Variants in ADRA1A observed in about 807,000 individuals in gnomAD.
ADRA1A encodes adrenoceptor alpha 1A, also known as alpha-1A adrenergic receptor.
ADRA1A carries 31 observed loss-of-function variants against 29.6 expected under a neutral mutation model. The ratio of observed to expected loss-of-function variants is 1.05; its 90% confidence interval spans 0.79 to 1.41. The LOEUF is 1.41. Among genes scored for constraint, ADRA1A ranks in the 40% most tolerant of loss-of-function variants. The pLI is 0.00. For synonymous variants in ADRA1A, 311 were observed against 254.3 expected (o/e 1.22, Z -2.12); for missense variants, 619 against 601.1 (o/e 1.03, Z -0.31).
At chr8:26,827,099 A>G (rs114405502) in intron 2 of ADRA1A, among the ~76,000 whole-genome samples, 1 of 152,234 alleles carries the variant, frequency 6.6e-6, no homozygotes, top group African/African-American at 2.4e-5. Context: ...TAGATGATTC[A>G]TGCAATGTGC....
chr8:26,797,691 A>G (rs1040109439), intron 2 of ADRA1A, among the ~76,000 whole-genome samples: 9 of 152,156 alleles, frequency 5.9e-5, no homozygotes, highest in African/African-American at 2.2e-4. Flanking sequence ...TACATACACA[A>G]AAACTCTTTA....
At chr8:26,756,590 T>G (rs1805183252) in exon 3 of ADRA1A, 3 of 1,553,904 alleles carry the variant, frequency 1.9e-6, no homozygotes, top group Non-Finnish European at 2.6e-6. Flanking sequence ...ATGTTGGATT[T>G]GTGCCTTAGT....
In ADRA1A at chr8:26,769,732, G is replaced by T. The variant is rs3739216; in HGVS notation, c.*417C>A. The T allele has an allele frequency of 2.0e-6, 2 of 990,236 alleles. No individual in the cohort carries two copies. The highest frequency in any genetic ancestry group is 2.4e-6 in the Non-Finnish European group (2 of 833,512). 61.3% of individuals were successfully genotyped at this position (990,236 alleles called of 1,614,324 possible). A position where few individuals can be genotyped will look rare whatever the true frequency, so the allele number is the denominator to read the frequency against. On this transcript the variant is annotated 3_prime_UTR_variant, in exon 3 of 3. Transcript: ENST00000380573. ...TAAATGTCAAATGTGGCTGTCAGTAGGTTGAGCCTGAAAATAAAATCCCCT... is the reference window on the plus strand; with the variant it reads ...TAAATGTCAAATGTGGCTGTCAGTATGTTGAGCCTGAAAATAAAATCCCCT...
chr8:26,790,035 A>G (rs1279153391), intron 2 of ADRA1A, among the ~76,000 whole-genome samples: 1 of 152,160 alleles, frequency 6.6e-6, no homozygotes, highest in African/African-American at 2.4e-5. Context: ...CATTGTAAAG[A>G]ACATTATGGT....
chr8:26,752,529 G>A (rs1425533022), downstream of ADRA1A, among the ~76,000 whole-genome samples: 1 of 152,186 alleles, frequency 6.6e-6, no homozygotes, highest in Non-Finnish European at 1.5e-5. Flanking sequence ...CTTCAAGCTT[G>A]CTTATCTGTG....
intron 2 of ADRA1A, among the ~76,000 whole-genome samples, chr8:26,836,899 C>T (rs979986263): frequency 3.3e-5 from 5 of 152,088 alleles, no homozygotes; most frequent in African/African-American, 7.2e-5. Flanking sequence ...AGACTGTGTG[C>T]CAGTGAATGC....
At chr8:26,859,276 A>G (rs1008150730) in intron 2 of ADRA1A, 31 of 1,034,652 alleles carry the variant, frequency 3.0e-5, no homozygotes, top group Non-Finnish European at 3.9e-5. Context: ...TACTTAAGAC[A>G]GTTAATAAAA....
intron 2 of ADRA1A, among the ~76,000 whole-genome samples, chr8:26,759,126 G>C (rs2130193741): frequency 6.6e-6 from 1 of 152,296 alleles, no homozygotes; most frequent in East Asian, 1.9e-4. Context: ...GTTATACCCA[G>C]AGATAAAAAT....
intron 2 of ADRA1A, among the ~76,000 whole-genome samples, chr8:26,850,013 G>A (rs1585832734): frequency 3.8e-5 from 1 of 26,282 alleles, no homozygotes; most frequent in East Asian, 6.2e-4. Flanking sequence ...AGTGACTAAT[G>A]AGAGAGAAAT....
rs1388992092 is a variant in ADRA1A, at chr8:26,831,419, G to A, written c.883+32668C>T. On this transcript the variant is annotated intron_variant, in intron 2 of 2. Transcript: ENST00000380573. This position sits in a 1 kb window ranked among gnomAD's most constrained non-coding sequence, Gnocchi z 5.2. Reference sequence around the variant, plus strand: ...AAGAGAGAGAGCCTGCTATGCCATGGCCAGTGCTCAAGTGGGCAGACTGAT... The same window carrying A: ...AAGAGAGAGAGCCTGCTATGCCATGACCAGTGCTCAAGTGGGCAGACTGAT... 6.6e-6 allele frequency among the ~76,000 whole-genome samples: 1 copy of A among 152,100 alleles called. No individual in the cohort carries two copies. Among genetic ancestry groups the A allele is most frequent in the Non-Finnish European group, 1.5e-5 (1 of 68,026 alleles).
At chr8:26,758,361 C>T (rs2130189058) in intron 2 of ADRA1A, among the ~76,000 whole-genome samples, 1 of 152,296 alleles carries the variant, frequency 6.6e-6, no homozygotes, top group South Asian at 2.1e-4. Flanking sequence ...CTGCACATGG[C>T]ACTTTCAGTG....
intron 2 of ADRA1A, among the ~76,000 whole-genome samples, chr8:26,833,433 C>G (rs917799755): frequency 1.1e-4 from 16 of 152,102 alleles, no homozygotes; most frequent in Admixed American, 2.0e-4. Flanking sequence ...AAACTGGAAC[C>G]AAAAATAAAA....
At chr8:26,854,434 A>AGGGGGGGGGGGGGGGGGGGGGG (rs1563310604) in intron 2 of ADRA1A, 1 of 76,998 alleles carries the variant, frequency 1.3e-5, no homozygotes, top group Non-Finnish European at 2.5e-5. Flanking sequence ...GGGGGGGGGG[A>AGGGGGGGGGGGGGGGGGGGGGG]GCAGGCAGAG....
intron 2 of ADRA1A, among the ~76,000 whole-genome samples, chr8:26,822,988 C>T (rs563793717): frequency 6.6e-6 from 1 of 152,294 alleles, no homozygotes; most frequent in South Asian, 2.1e-4. Flanking sequence ...GAGTCAGTCA[C>T]CTCCCACCAG....
At position 26,769,354 on chromosome 8, in the gene ADRA1A, T is replaced by C. The variant is rs1805971901; in HGVS notation, c.*795A>G. 1 of 985,300 alleles carries C rather than the reference T, an allele frequency of 1.0e-6. No homozygotes were observed. Among genetic ancestry groups the C allele is most frequent in the African/African-American group, 1.7e-5 (1 of 57,242 alleles). 61.0% of individuals were successfully genotyped at this position (985,300 alleles called of 1,614,324 possible). On this transcript the variant is annotated 3_prime_UTR_variant, in exon 3 of 3. Transcript: ENST00000380573. ...GCCTATCATCATCTGATCTTGGAAC[T>C]GTTTAATGGATTTTCTCTCTAGTAG...
chr8:26,785,890 A>G (rs1189926395), intron 2 of ADRA1A, among the ~76,000 whole-genome samples: 1 of 152,190 alleles, frequency 6.6e-6, no homozygotes, highest in Non-Finnish European at 1.5e-5. Context: ...TCAGTAGATC[A>G]GAACTCCTAG....
At chr8:26,820,372 T>C (rs1434061672) in intron 2 of ADRA1A, among the ~76,000 whole-genome samples, 2 of 152,158 alleles carry the variant, frequency 1.3e-5, no homozygotes, top group African/African-American at 2.4e-5. Flanking sequence ...TTTAAGAAAA[T>C]TGAAATCATA....
chr8:26,852,721 G>A (rs989326565), intron 2 of ADRA1A, among the ~76,000 whole-genome samples: 1 of 152,154 alleles, frequency 6.6e-6, no homozygotes, highest in African/African-American at 2.4e-5. Flanking sequence ...TTATAGGCAA[G>A]TTTTTCAAAC....
At position 26,860,945 on chromosome 8, in the gene ADRA1A, C is replaced by T. The variant is rs937517856; in HGVS notation, c.883+3142G>A. Among the ~76,000 whole-genome samples, 11 of 152,198 alleles carry T rather than the reference C, an allele frequency of 7.2e-5. No homozygotes were observed. Among genetic ancestry groups the T allele is most frequent in the Admixed American group, 7.2e-4 (11 of 15,282 alleles). On this transcript the variant is annotated intron_variant, in intron 2 of 2. Coordinates refer to ENST00000380573, the MANE Select transcript of ADRA1A (RefSeq NM_000680.4). The surrounding 1 kb of genome is among the most constrained non-coding windows in gnomAD (Gnocchi z 4.7). ...TCCTAGCTCCAGTGTATAGCAAAAC[C>T]TTTCAGAAGAGTTGTCTATTTTCCC...
Sources: gnomAD v4.1 joint callset for allele counts (sites outside exome capture counted in the v4.1 genomes callset) on GRCh38, gnomAD v4.1.1 for gene constraint, Gnocchi (gnomAD v3.1) non-coding constraint, MANE v1.5 for transcripts, NCBI Gene and HGNC (gene_info 2026-07-23, HGNC 2026-07-21) for gene names.